ALS2CL: variants seen among roughly 807,000 people sequenced by gnomAD.
ALS2CL encodes ALS2 C-terminal like.
Under a neutral mutation model 127.9 loss-of-function variants are expected in ALS2CL, and 112 were observed. The observed-to-expected ratio is 0.88, with a 90% confidence interval of 0.75 to 1.02. ALS2CL has a LOEUF of 1.02. Ranked by LOEUF, ALS2CL falls within the 50% of genes least tolerant of loss-of-function variation. The pLI is 0.00. For missense variants in ALS2CL, 1,174 were observed against 1,236.7 expected, an observed-to-expected ratio of 0.95 and a Z score of 0.76; for synonymous variants, 519 against 527.6, an observed-to-expected ratio of 0.98 and a Z score of 0.22.
intron 19 of ALS2CL, 101 bp from the exon 20 acceptor site, chr3:46,675,787 T>G: frequency 6.3e-7 from 1 of 1,584,016 alleles, no homozygotes. Context: ...CTCTCAGAAC[T>G]GTGGACATGG....
intron 20 of ALS2CL, chr3:46,675,241 C>A (rs2106694647): frequency 4.4e-6 from 1 of 228,894 alleles, no homozygotes; most frequent in East Asian, 1.0e-4. Flanking sequence ...CTGGGGGAAA[C>A]AAATTTCATG....
chr3:46,685,174 T>C (rs1001011639), intron 7 of ALS2CL, among the ~76,000 whole-genome samples: 4 of 152,170 alleles, frequency 2.6e-5, no homozygotes, highest in African/African-American at 7.2e-5. Context: ...CCTCTCTCAT[T>C]TGAGTACAAT....
rs768525130 is a variant in ALS2CL, at chr3:46,688,206, T to C, written c.194A>G (p.Glu65Gly). The change falls in exon 3 of 26, where the codon GAG becomes GGG. Residue 65 changes from glutamate (E) to glycine (G), a missense_variant. Physicochemically the swap from Glu to Gly is moderately conservative, Grantham distance 98 (BLOSUM62 -2). Coordinates refer to ENST00000318962, the MANE Select transcript of ALS2CL (RefSeq NM_147129.5). Reference sequence around the variant, plus strand: ...CTCCTGCAGTGAGTGCAGGCTTTCCTCCGTCACCTCCCAGAGTTGCTGGGA... The same window carrying C: ...CTCCTGCAGTGAGTGCAGGCTTTCCCCCGTCACCTCCCAGAGTTGCTGGGA... ...KSSQQLWEVT[E>G]ESLHSLQERL... is the part of the protein sequence containing the mutation. 5 of 1,613,030 alleles carry C rather than the reference T, an allele frequency of 3.1e-6. No homozygotes were observed. The highest frequency in any genetic ancestry group is 8.5e-7 in the Non-Finnish European group (1 of 1,179,988).
At chr3:46,680,596 C>T in intron 13 of ALS2CL, 55 bp from the exon 14 acceptor site, 2 of 1,518,148 alleles carry the variant, frequency 1.3e-6, no homozygotes, top group South Asian at 2.2e-5. Flanking sequence ...CATGTACCTC[C>T]TGGGCACTCT....
Position 46,674,729 on chromosome 3 carries a change from C to T in ALS2CL, c.2266G>A (p.Val756Met), listed in dbSNP as rs1698673245. ...ATGAGGGGCAGCACCAATCCATGCA[C>T]CTGGAGGTCCCTGATGGGGAGACCG... The part of the protein sequence containing the change: ...DEDTETRDLQ[V>M]HGLVLPLMLP... Residue 756 changes from valine (V) to methionine (M), a missense_variant, in exon 21 of 26, where the codon GTG becomes ATG. By Grantham distance (21) the Val-to-Met change is conservative. Transcript: ENST00000318962. 6.2e-7 allele frequency: 1 copy of T among 1,609,838 alleles called. No homozygotes were observed. The highest frequency in any genetic ancestry group is 8.5e-7 in the Non-Finnish European group (1 of 1,178,098).
At chr3:46,676,215 A>G in intron 19 of ALS2CL, 30 bp downstream of exon 19, 1 of 1,606,456 alleles carries the variant, frequency 6.2e-7, no homozygotes, top group South Asian at 1.1e-5. Context: ...GTCACAGGGC[A>G]GTAGCTGTCC....
chr3:46,672,530 T>C (rs553297627), intron 22 of ALS2CL, among the ~76,000 whole-genome samples: 4 of 152,324 alleles, frequency 2.6e-5, no homozygotes, highest in African/African-American at 9.6e-5. Flanking sequence ...AAGGGCTTAG[T>C]GAAACACAGG....
chr3:46,683,699 C>T (rs928099724), intron 9 of ALS2CL, 83 bp downstream of exon 9: 26 of 1,523,684 alleles, frequency 1.7e-5, no homozygotes, highest in Middle Eastern at 2.0e-4. Context: ...TCCTGTGGGG[C>T]CCTGCAGGGT....
chr3:46,679,362 G>A (rs772841079), intron 14 of ALS2CL, 75 bp from the exon 15 acceptor site: 1 of 1,282,810 alleles, frequency 7.8e-7, no homozygotes, highest in Non-Finnish European at 1.1e-6. Flanking sequence ...GGAGAGAGAT[G>A]GCCAAAGAAG....
intron 2 of ALS2CL, among the ~76,000 whole-genome samples, chr3:46,688,732 A>T (rs1458909214): frequency 6.6e-6 from 1 of 152,242 alleles, no homozygotes; most frequent in Non-Finnish European, 1.5e-5. Context: ...ATTAAACTGG[A>T]AGTAAAACCT....
At chr3:46,671,163 A>T in intron 25 of ALS2CL, 99 bp from the exon 26 acceptor site, 1 of 1,297,632 alleles carries the variant, frequency 7.7e-7, no homozygotes, top group Non-Finnish European at 1.1e-6. Flanking sequence ...CCACCTCCCA[A>T]CCCAGAGGAG....
In ALS2CL at chr3:46,683,766, G is replaced by A. The variant is rs1699551320; in HGVS notation, c.912+16C>T. 1.2e-6 allele frequency: 2 copies of A among 1,613,774 alleles called. No homozygotes were observed. Among genetic ancestry groups the A allele is most frequent in the South Asian group, 1.1e-5 (1 of 91,056 alleles). ...TCTGACCCCGCTCCCGCAGTTCACA[G>A]CTCACCCACACTCACCTGGCCCTGG... On this transcript the variant is annotated intron_variant, in intron 9 of 25. Transcript: ENST00000318962.
intron 3 of ALS2CL, 71 bp downstream of exon 3, chr3:46,688,027 A>G: frequency 6.4e-7 from 1 of 1,557,152 alleles, no homozygotes; most frequent in South Asian, 1.1e-5. Flanking sequence ...CCCCAACCCC[A>G]GGTGAACCTT....
chr3:46,688,173 C>T lies in ALS2CL; in HGVS notation c.227G>A (p.Arg76His), dbSNP rs149519981. Residue 76 changes from arginine (R) to histidine (H), a missense_variant, in exon 3 of 26, where the codon CGT becomes CAT. By Grantham distance (29) the Arg-to-His change is conservative. Coordinates refer to ENST00000318962, the MANE Select transcript of ALS2CL (RefSeq NM_147129.5). Reference protein sequence around the residue: ...ESLHSLQERLRYPDSTGLESL... With the variant: ...ESLHSLQERLHYPDSTGLESL... ...CTCCAGACCGGTGGAGTCCGGGTAA[C>T]GCAGCCTCTCCTGCAGTGAGTGCAG... 175 of 1,612,928 alleles carry T rather than the reference C, an allele frequency of 1.1e-4. No individual in the cohort carries two copies. Among genetic ancestry groups the T allele is most frequent in the Non-Finnish European group, 1.4e-4 (169 of 1,179,998 alleles).
Position 46,689,431 on chromosome 3 carries a change from G to A in ALS2CL, c.10C>T (p.Pro4Ser), listed in dbSNP as rs766879560. 2.5e-6 allele frequency: 4 copies of A among 1,609,422 alleles called. No individual in the cohort carries two copies. In the South Asian group the frequency reaches 3.3e-5, roughly 13 times the overall value. MCN[P>S]EEAALLRLEE... ...AGCCGCAGCAGAGCTGCCTCCTCAG[G>A]GTTGCACATGGCCAGGTGCCGGACT... The change falls in exon 2 of 26, where the codon CCT becomes TCT. Residue 4 changes from proline (P) to serine (S), a missense_variant. Transcript: ENST00000318962.
rs1321638403 is a variant in ALS2CL at position 46,681,950 on chromosome 3, G to T, written c.1175+79C>A. 3 of 1,497,610 alleles carry T rather than the reference G, an allele frequency of 2.0e-6. No homozygotes were observed. Among genetic ancestry groups the T allele is most frequent in the Non-Finnish European group, 2.8e-6 (3 of 1,090,428 alleles). The allele number at this position is 1,497,610 out of a possible 1,614,324, so 92.8% of individuals were successfully genotyped here. A position where few individuals can be genotyped will look rare whatever the true frequency, so the allele number is the denominator to read the frequency against. On this transcript the variant is annotated intron_variant, in intron 11 of 25. Coordinates refer to ENST00000318962, the MANE Select transcript of ALS2CL (RefSeq NM_147129.5). This position sits in a 1 kb window ranked among gnomAD's most constrained non-coding sequence, Gnocchi z 4.9. ...GGTTTGGGAATTCAGGATGGGGCCG[G>T]GCTGGTGACCACAGCAGGGGAGGAA... is the stretch of plus-strand genomic sequence containing the variant.
chr3:46,680,755 G>C, intron 13 of ALS2CL: 1 of 580,416 alleles, frequency 1.7e-6, no homozygotes, highest in Non-Finnish European at 3.1e-6. Flanking sequence ...CATCTGGGAG[G>C]CTTCTCCGTG....
At position 46,683,280 on chromosome 3, in the gene ALS2CL, T is replaced by C. The variant is rs747813341; in HGVS notation, c.959A>G (p.His320Arg). The change falls in exon 10 of 26, where the codon CAT becomes CGT. Residue 320 changes from histidine to arginine, a missense_variant. Transcript: ENST00000318962. The stretch of plus-strand genomic sequence containing the variant: ...CAGCACGGGGAAGTCCTTCTTCCCA[T>C]GCAGGGCCTGGTGAACAGCCCAGGT... ...KVTWAVHQALHGKKDFPVLGA... is the reference protein window; with the variant it reads ...KVTWAVHQALRGKKDFPVLGA... 23 of 1,604,978 alleles carry C rather than the reference T, an allele frequency of 1.4e-5. No homozygotes were observed. Among genetic ancestry groups the C allele is most frequent in the Non-Finnish European group, 2.0e-5 (23 of 1,175,734 alleles).
Position 46,680,435 on chromosome 3 carries a change from T to C in ALS2CL, c.1543A>G (p.Thr515Ala). The C allele has an allele frequency of 6.2e-7, 1 of 1,613,142 alleles. No individual in the cohort carries two copies. The highest frequency in any genetic ancestry group is 8.5e-7 in the Non-Finnish European group (1 of 1,179,952). Reference sequence around the variant, plus strand: ...CCAGGATACACTCCACTCACCACCGTCTTGTCCGCCTGGAAGGTGCCCTGG... The same window carrying C: ...CCAGGATACACTCCACTCACCACCGCCTTGTCCGCCTGGAAGGTGCCCTGG... The part of the protein sequence containing the change: ...CYQGTFQADK[T>A]VGPGILLSED... Residue 515 changes from threonine (T) to alanine (A), a missense_variant, in exon 14 of 26, where the codon ACG becomes GCG. Transcript: ENST00000318962.
Sources: allele counts gnomAD v4.1 joint callset (sites outside exome capture counted in the v4.1 genomes callset), GRCh38; gene constraint gnomAD v4.1.1; non-coding constraint Gnocchi (gnomAD v3.1); transcripts MANE v1.5; gene names NCBI Gene and HGNC (gene_info 2026-07-23, HGNC 2026-07-21).